PRR16: variants seen among roughly 807,000 people sequenced by gnomAD.
PRR16 encodes the protein proline rich 16, also known as protein Largen.
Under a neutral mutation model 18.2 loss-of-function variants are expected in PRR16, and 6 were observed. The observed-to-expected ratio is 0.33, with a 90% CI of 0.18 to 0.65. The LOEUF (loss-of-function observed/expected upper bound fraction) is 0.65. Ranked by LOEUF, PRR16 falls within the 30% of genes least tolerant of loss-of-function variation. PRR16 has a pLI of 0.74. For missense variants in PRR16, 412 were observed against 376.6 expected, an observed-to-expected ratio of 1.09 and a Z score of -0.78; for synonymous variants, 151 against 147.8, an observed-to-expected ratio of 1.02 and a Z score of -0.16.
intron 1 of PRR16, among the ~76,000 whole-genome samples, chr5:120,509,057 TTTAGA>T (rs1299311941): frequency 6.6e-6 from 1 of 152,158 alleles, no homozygotes; most frequent in Non-Finnish European, 1.5e-5. Flanking sequence ...AAATAGGTTG[TTTAGA>T]TTATATAGCT....
intron 1 of PRR16, among the ~76,000 whole-genome samples, chr5:120,572,884 T>C (rs1402466202): frequency 6.6e-6 from 1 of 152,134 alleles, no homozygotes; most frequent in Non-Finnish European, 1.5e-5. Flanking sequence ...GCAAATTGAA[T>C]GTCATTTTGG....
At chr5:120,479,454 T>C (rs375290082) in intron 1 of PRR16, among the ~76,000 whole-genome samples, 61 of 152,228 alleles carry the variant, frequency 4.0e-4, no homozygotes, top group African/African-American at 1.4e-3. Context: ...GTAAGAAATA[T>C]TATATACCGG....
intron 1 of PRR16, among the ~76,000 whole-genome samples, chr5:120,567,737 C>T (rs1413846303): frequency 6.6e-6 from 1 of 152,170 alleles, no homozygotes; most frequent in Non-Finnish European, 1.5e-5. Context: ...GCTTGCTTCC[C>T]CTTTGCCCTT....
chr5:120,484,402 A>C (rs1465335881), intron 1 of PRR16, among the ~76,000 whole-genome samples: 10 of 146,018 alleles, frequency 6.8e-5, no homozygotes, highest in Admixed American at 2.8e-4. Context: ...ATAATATATA[A>C]GAATATATAC....
At chr5:120,652,312 G>A (rs984874714) in intron 1 of PRR16, among the ~76,000 whole-genome samples, 1 of 152,008 alleles carries the variant, frequency 6.6e-6, no homozygotes, top group Non-Finnish European at 1.5e-5. Flanking sequence ...GTAGGTTTCT[G>A]TATAGTATAG....
chr5:120,618,693 T>C, intron 1 of PRR16: 1 of 373,144 alleles, frequency 2.7e-6, no homozygotes, highest in Non-Finnish European at 3.7e-6. Context: ...CCTGTGTCTG[T>C]TATTGCTAAG....
downstream of PRR16, among the ~76,000 whole-genome samples, chr5:120,689,125 T>A (rs1346884851): frequency 6.6e-6 from 1 of 152,202 alleles, no homozygotes; most frequent in East Asian, 1.9e-4. Flanking sequence ...ACAGTTTATT[T>A]ATAATCAACA....
the PRR16 span, among the ~76,000 whole-genome samples, chr5:120,768,692 T>C: frequency 6.6e-6 from 1 of 151,810 alleles, no homozygotes; most frequent in East Asian, 1.9e-4. Flanking sequence ...CAGTCAGAGT[T>C]GCTGCAGCTT....
chr5:120,544,196 A>G (rs1255443194), intron 1 of PRR16, among the ~76,000 whole-genome samples: 2 of 152,134 alleles, frequency 1.3e-5, no homozygotes, highest in African/African-American at 4.8e-5. Flanking sequence ...GCTCTTTCTA[A>G]TGGTGCAGTT....
At chr5:120,750,507 CAA>C in the PRR16 span, among the ~76,000 whole-genome samples, 3 of 150,412 alleles carry the variant, frequency 2.0e-5, no homozygotes, top group Non-Finnish European at 4.4e-5. Flanking sequence ...AAAAAAAAAA[CAA>C]AACAAAAATT....
At chr5:120,729,910 G>T in the PRR16 span, among the ~76,000 whole-genome samples, 1 of 152,048 alleles carries the variant, frequency 6.6e-6, no homozygotes, top group African/African-American at 2.4e-5. Flanking sequence ...TGGTCAAGTG[G>T]CTTTCAATCT....
At chr5:120,764,519 G>A in the PRR16 span, among the ~76,000 whole-genome samples, 60 of 151,600 alleles carry the variant, frequency 4.0e-4, no homozygotes, top group South Asian at 6.3e-3. Context: ...TAGTTTTATC[G>A]CTGTGTGTTC....
chr5:120,782,713 T>C, the PRR16 span, among the ~76,000 whole-genome samples: 1 of 152,098 alleles, frequency 6.6e-6, no homozygotes, highest in Non-Finnish European at 1.5e-5. Context: ...GAAAGAGCTT[T>C]TATCCTGCTT....
At chr5:120,558,501 A>C (rs1005209393) in intron 1 of PRR16, among the ~76,000 whole-genome samples, 1 of 152,010 alleles carries the variant, frequency 6.6e-6, no homozygotes, top group Non-Finnish European at 1.5e-5. Flanking sequence ...GTGATTAAAT[A>C]GTACTCCGTT....
At chr5:120,712,235 A>G in the PRR16 span, among the ~76,000 whole-genome samples, 1 of 152,054 alleles carries the variant, frequency 6.6e-6, no homozygotes, top group South Asian at 2.1e-4. Context: ...CTTAAAATCT[A>G]CTCTTTAGCA....
In PRR16 at chr5:120,670,238, C is replaced by T. The variant is rs149378758; in HGVS notation, c.160-15716C>T. 1.3e-4 allele frequency among the ~76,000 whole-genome samples: 20 copies of T among 152,164 alleles called. No homozygotes were observed. In the East Asian group the frequency reaches 3.9e-3, roughly 29 times the overall value. On this transcript the variant is annotated intron_variant, in intron 1 of 1. Transcript: ENST00000407149. Reference sequence around the variant, plus strand: ...TATAGAACATGTGTATTTATAGTATCTCCCAACACAGTTTTGTTAAAATTA... The same window carrying T: ...TATAGAACATGTGTATTTATAGTATTTCCCAACACAGTTTTGTTAAAATTA...
chr5:120,674,018 T>C (rs921279150), intron 1 of PRR16, among the ~76,000 whole-genome samples: 1 of 151,806 alleles, frequency 6.6e-6, no homozygotes, highest in Non-Finnish European at 1.5e-5. Flanking sequence ...AAATACTTCC[T>C]ACATTTTTTT....
intron 1 of PRR16, among the ~76,000 whole-genome samples, chr5:120,641,283 T>C (rs1475213421): frequency 6.6e-6 from 1 of 152,172 alleles, no homozygotes; most frequent in Admixed American, 6.6e-5. Flanking sequence ...AGTTAAGTTT[T>C]GATACCTGGT....
intron 1 of PRR16, among the ~76,000 whole-genome samples, chr5:120,471,183 TAG>T (rs1749257412): frequency 6.6e-6 from 1 of 152,126 alleles, no homozygotes; most frequent in Non-Finnish European, 1.5e-5. Context: ...GTGAATAAAT[TAG>T]ACCTTGCAAT....
Sources: allele counts gnomAD v4.1 joint callset (sites outside exome capture counted in the v4.1 genomes callset), GRCh38; gene constraint gnomAD v4.1.1; transcripts MANE v1.5; gene names NCBI Gene and HGNC (gene_info 2026-07-23, HGNC 2026-07-21).